Variants in BTBD9 observed in about 807,000 individuals in gnomAD.
The protein encoded by BTBD9 is BTB/POZ domain-containing protein 9.
In BTBD9, 49 loss-of-function variants were observed where a neutral mutation model predicts 64.3. The observed-to-expected ratio is 0.76, with a 90% CI of 0.61 to 0.97. BTBD9 has a LOEUF of 0.97. BTBD9 is among the 50% of genes least tolerant of loss of function. The probability of loss-of-function intolerance (pLI) is 0.00; values close to 1 mark genes in which losing one functional copy is unlikely to be tolerated. For synonymous variants in BTBD9, 260 were observed against 274.7 expected, an observed-to-expected ratio of 0.95 and a Z score of 0.53; for missense variants, 598 against 762.1, an observed-to-expected ratio of 0.78 and a Z score of 2.53.
At chr6:38,451,388 CAAG>C (rs1276978181) in intron 6 of BTBD9, among the ~76,000 whole-genome samples, 2 of 152,170 alleles carry the variant, frequency 1.3e-5, no homozygotes, top group Non-Finnish European at 2.9e-5. Context: ...AGTGCTTAGA[CAAG>C]AAGGTCTGAT....
intron 8 of BTBD9, among the ~76,000 whole-genome samples, chr6:38,258,735 A>G (rs1193214026): frequency 2.0e-5 from 3 of 152,102 alleles, no homozygotes; most frequent in African/African-American, 7.2e-5. Context: ...CTAAAAATAC[A>G]AAAAATTAGC....
At chr6:38,498,340 A>G (rs141895635) in intron 6 of BTBD9, among the ~76,000 whole-genome samples, 55 of 152,154 alleles carry the variant, frequency 3.6e-4, no homozygotes, top group African/African-American at 1.3e-3. Context: ...AATGCTAAGC[A>G]TATTTCTTCA....
chr6:38,503,737 C>T lies in BTBD9; in HGVS notation c.1154+73863G>A, dbSNP rs539331191. 8.8e-4 allele frequency among the ~76,000 whole-genome samples: 134 copies of T among 152,298 alleles called. 1 individual carries two copies. The highest frequency in any genetic ancestry group is 3.4e-3 in the Middle Eastern group (1 of 294). ...CTCCACTCCTACTGCTGGCATCACACGCCAACAATAATGCACACTATGTAA... is the reference window on the plus strand; with the variant it reads ...CTCCACTCCTACTGCTGGCATCACATGCCAACAATAATGCACACTATGTAA... On this transcript the variant is annotated intron_variant, in intron 6 of 10. Coordinates refer to ENST00000481247, the MANE Select transcript of BTBD9 (RefSeq NM_001099272.2).
chr6:38,277,000 A>G (rs1035220227), intron 8 of BTBD9, among the ~76,000 whole-genome samples: 2 of 152,220 alleles, frequency 1.3e-5, no homozygotes, highest in African/African-American at 4.8e-5. Context: ...ACTCCATGTA[A>G]ACTGACAATT....
intron 7 of BTBD9, among the ~76,000 whole-genome samples, chr6:38,297,627 A>G (rs981729920): frequency 1.6e-4 from 24 of 152,216 alleles, no homozygotes; most frequent in Non-Finnish European, 3.1e-4. Context: ...CCTTAGTATC[A>G]TGTCACTTTC....
chr6:38,481,458 C>A (rs1562244750), intron 6 of BTBD9, among the ~76,000 whole-genome samples: 1 of 152,102 alleles, frequency 6.6e-6, no homozygotes, highest in South Asian at 2.1e-4. Context: ...AAGTAAAAAT[C>A]CAAGGGAGAT....
intron 7 of BTBD9, among the ~76,000 whole-genome samples, chr6:38,325,735 T>C (rs1191052662): frequency 6.6e-6 from 1 of 152,114 alleles, no homozygotes; most frequent in Non-Finnish European, 1.5e-5. Context: ...CCCCAGCTCA[T>C]TAGGTTAGTT....
chr6:38,221,723 T>C (rs933999057), intron 9 of BTBD9, among the ~76,000 whole-genome samples: 2 of 152,216 alleles, frequency 1.3e-5, no homozygotes, highest in Non-Finnish European at 2.9e-5. Flanking sequence ...CCGGGTGCGG[T>C]GGCTCACGCC....
intron 9 of BTBD9, among the ~76,000 whole-genome samples, chr6:38,221,824 C>A (rs1763206897): frequency 6.6e-6 from 1 of 152,068 alleles, no homozygotes; most frequent in Non-Finnish European, 1.5e-5. Context: ...AACCCCACCT[C>A]TACTAAAAAT....
rs188555929 is a variant in BTBD9, at chr6:38,407,215, C to T, written c.1155-62122G>A. 2.9e-3 allele frequency among the ~76,000 whole-genome samples: 444 copies of T among 152,310 alleles called. 1 individual carries two copies. The highest frequency in any genetic ancestry group is 0.01 in the African/African-American group (417 of 41,566). On this transcript the variant is annotated intron_variant, in intron 6 of 10. Coordinates refer to ENST00000481247, the MANE Select transcript of BTBD9 (RefSeq NM_001099272.2). ...TTTTCCTTTTGAATCCGACTTGCAA[C>T]ACATCTGTTGATCACATATAAAATA... is the stretch of plus-strand genomic sequence containing the variant.
At chr6:38,298,501 A>C (rs1195841301) in intron 7 of BTBD9, among the ~76,000 whole-genome samples, 1 of 152,200 alleles carries the variant, frequency 6.6e-6, no homozygotes, top group African/African-American at 2.4e-5. Context: ...CTATGTACTG[A>C]AAACATCTCA....
intron 6 of BTBD9, among the ~76,000 whole-genome samples, chr6:38,501,923 A>G (rs1772219744): frequency 6.6e-6 from 1 of 152,228 alleles, no homozygotes; most frequent in Non-Finnish European, 1.5e-5. Context: ...GACAACAAAT[A>G]AATATTGACA....
At chr6:38,492,739 G>A (rs367919936) in intron 6 of BTBD9, among the ~76,000 whole-genome samples, 1 of 152,122 alleles carries the variant, frequency 6.6e-6, no homozygotes, top group East Asian at 1.9e-4. Context: ...TTTTCTTAAA[G>A]TGTTGATAAA....
intron 6 of BTBD9, among the ~76,000 whole-genome samples, chr6:38,468,138 C>A (rs528124094): frequency 6.6e-6 from 1 of 152,128 alleles, no homozygotes; most frequent in African/African-American, 2.4e-5. Context: ...CTTGGCTTCC[C>A]GAAGTGCTGA....
chr6:38,593,621 A>C (rs1225217640), intron 3 of BTBD9, among the ~76,000 whole-genome samples: 1 of 152,266 alleles, frequency 6.6e-6, no homozygotes, highest in Non-Finnish European at 1.5e-5. Flanking sequence ...ATTATTAGTC[A>C]CACTCTCTGT....
At chr6:38,531,321 T>C (rs939445244) in intron 6 of BTBD9, among the ~76,000 whole-genome samples, 1 of 152,108 alleles carries the variant, frequency 6.6e-6, no homozygotes, top group Non-Finnish European at 1.5e-5. Context: ...AAAACTTTTA[T>C]CCTAAAACAG....
chr6:38,298,585 C>G (rs1326916546), intron 7 of BTBD9, among the ~76,000 whole-genome samples: 1 of 152,156 alleles, frequency 6.6e-6, no homozygotes, highest in African/African-American at 2.4e-5. Context: ...TACCAACAAA[C>G]ATTAGAACTG....
At chr6:38,433,636 C>CT (rs936460401) in intron 6 of BTBD9, among the ~76,000 whole-genome samples, 1 of 151,920 alleles carries the variant, frequency 6.6e-6, no homozygotes, top group Non-Finnish European at 1.5e-5. Context: ...TTGCTGACTC[C>CT]TTTTTTGGAC....
intron 7 of BTBD9, among the ~76,000 whole-genome samples, chr6:38,313,079 T>C (rs1762898974): frequency 6.6e-6 from 1 of 152,218 alleles, no homozygotes; most frequent in South Asian, 2.1e-4. Context: ...TTTAATTTCT[T>C]TCACCAATGT....
Sources: allele counts gnomAD v4.1 joint callset (sites outside exome capture counted in the v4.1 genomes callset), GRCh38; gene constraint gnomAD v4.1.1; transcripts MANE v1.5; gene names NCBI Gene and HGNC (gene_info 2026-07-23, HGNC 2026-07-21).